NCBP1: variants seen among roughly 807,000 people sequenced by gnomAD.
NCBP1 encodes the protein nuclear cap-binding protein subunit 1.
Under a neutral mutation model 111.7 loss-of-function variants are expected in NCBP1, and 16 were observed. The ratio of observed to expected loss-of-function variants is 0.14; its 90% CI spans 0.10 to 0.22. NCBP1 has a LOEUF of 0.22. NCBP1 is among the 10% of genes least tolerant of loss of function. The pLI is 1.00. For missense variants in NCBP1, 607 were observed against 957.5 expected (o/e 0.63, Z 4.83); for synonymous variants, 304 against 314.3 (o/e 0.97, Z 0.35).
In NCBP1 at chr9:97,671,301, C is replaced by G; in HGVS notation, c.*102C>G. 1 of 832,978 alleles carries G rather than the reference C, an allele frequency of 1.2e-6. No individual in the cohort carries two copies. Among genetic ancestry groups the G allele is most frequent in the Non-Finnish European group, 1.9e-6 (1 of 531,430 alleles). The allele number at this position is 832,978 out of a possible 1,614,324, so 51.6% of individuals were successfully genotyped here. ...CTTGCTTTCTTGTAGTATCCTTTCA[C>G]TTCTTAAAGGAAACAAAGGGGAAGA... On this transcript the variant is annotated 3_prime_UTR_variant, in exon 23 of 23. Coordinates refer to ENST00000375147, the MANE Select transcript of NCBP1 (RefSeq NM_002486.5).
At chr9:97,641,154 C>T (rs1316551587) in intron 2 of NCBP1, among the ~76,000 whole-genome samples, 1 of 152,010 alleles carries the variant, frequency 6.6e-6, no homozygotes, top group Non-Finnish European at 1.5e-5. Flanking sequence ...ACTAAATCAG[C>T]CCTGAATACT....
chr9:97,644,250 C>T (rs186942636), intron 4 of NCBP1, among the ~76,000 whole-genome samples: 1 of 152,250 alleles, frequency 6.6e-6, no homozygotes, highest in Non-Finnish European at 1.5e-5. Flanking sequence ...GACTCTTTAG[C>T]CTGACCCTTT....
chr9:97,657,357 T>G (rs1827690697), intron 14 of NCBP1, among the ~76,000 whole-genome samples: 1 of 152,210 alleles, frequency 6.6e-6, no homozygotes, highest in African/African-American at 2.4e-5. Context: ...CTTTTTTCTA[T>G]CTTTGTGTTT....
intron 19 of NCBP1, 82 bp downstream of exon 19, chr9:97,664,525 G>A: frequency 1.1e-6 from 1 of 933,488 alleles, no homozygotes; most frequent in South Asian, 1.6e-5. Flanking sequence ...TTCAAATTCT[G>A]GTCCAAACCA....
At chr9:97,667,407 T>C (rs947392465) in intron 20 of NCBP1, among the ~76,000 whole-genome samples, 3 of 152,142 alleles carry the variant, frequency 2.0e-5, no homozygotes, top group Admixed American at 6.5e-5. Context: ...ATATTTACCA[T>C]AGTAGAAGGT....
intron 9 of NCBP1, 126 bp from the exon 10 acceptor site, chr9:97,651,184 G>A (rs1055916747): frequency 2.0e-5 from 12 of 596,760 alleles, no homozygotes; most frequent in Non-Finnish European, 3.2e-5. Context: ...TGAAGTAACT[G>A]AAATCTAGGA....
Position 97,643,247 on chromosome 9 carries a change from G to A in NCBP1, c.268G>A (p.Val90Ile). 2 of 1,611,858 alleles carry A rather than the reference G, an allele frequency of 1.2e-6. No homozygotes were observed. The highest frequency in any genetic ancestry group is 1.7e-6 in the Non-Finnish European group (2 of 1,179,310). The change falls in exon 4 of 23, where the codon GTT becomes ATT. Residue 90 changes from valine (V) to isoleucine (I), a missense_variant. Transcript: ENST00000375147. ...GAAGCTGACAATTTATACAACATTA[G>A]TTGGACTACTGAATGCCAGGAATTA... is the stretch of plus-strand genomic sequence containing the variant. Reference protein sequence around the residue: ...PEKLTIYTTLVGLLNARNYNF... With the variant: ...PEKLTIYTTLIGLLNARNYNF...
In NCBP1 at chr9:97,669,627, G is replaced by A. The variant is rs1275769807; in HGVS notation, c.2180G>A (p.Arg727Gln). 6.2e-6 allele frequency: 10 copies of A among 1,612,738 alleles called. No individual in the cohort carries two copies. Among genetic ancestry groups the A allele is most frequent in the Non-Finnish European group, 7.6e-6 (9 of 1,178,860 alleles). The part of the protein sequence containing the change: ...FIMILTEHLV[R>Q]CETDGTSVLT... ...ATGATCTTGACCGAGCACCTAGTAC[G>A]ATGCGAAACTGATGGGACCAGTGTA... The change falls in exon 22 of 23, where the codon CGA (arginine) becomes CAA (glutamine). Residue 727 changes from arginine to glutamine, a missense_variant. Coordinates refer to ENST00000375147, the MANE Select transcript of NCBP1 (RefSeq NM_002486.5).
intron 6 of NCBP1, among the ~76,000 whole-genome samples, chr9:97,646,435 T>A (rs1439616739): frequency 6.6e-6 from 1 of 152,204 alleles, no homozygotes; most frequent in Non-Finnish European, 1.5e-5. Context: ...TTTTACAGAT[T>A]GATTTTGTTG....
Position 97,641,666 on chromosome 9 carries a change from T to G in NCBP1, c.224+4T>G. On this transcript the variant is annotated splice_donor_region_variant and intron_variant, in intron 3 of 22. Transcript: ENST00000375147. ...TCTTAAGGCTTCTTTGTACAGTGTA[T>G]GTATGCAAAAGATTTATGAATCCAG... 1 of 1,597,414 alleles carries G rather than the reference T, an allele frequency of 6.3e-7. No homozygotes were observed. The highest frequency in any genetic ancestry group is 1.7e-4 in the Middle Eastern group (1 of 5,958).
chr9:97,648,249 A>G (rs1284394552), intron 8 of NCBP1, 26 bp downstream of exon 8: 2 of 1,601,412 alleles, frequency 1.2e-6, no homozygotes, highest in Non-Finnish European at 1.7e-6. Context: ...AAAGTCCTAG[A>G]TATTGACCTG....
intron 6 of NCBP1, among the ~76,000 whole-genome samples, chr9:97,646,730 G>A (rs1176716668): frequency 6.6e-6 from 1 of 151,448 alleles, no homozygotes; most frequent in African/African-American, 2.4e-5. Flanking sequence ...CCAGCTACTC[G>A]GGAGGCTGAG....
chr9:97,663,178 T>C, intron 18 of NCBP1, 131 bp downstream of exon 18: 1 of 672,404 alleles, frequency 1.5e-6, no homozygotes, highest in Non-Finnish European at 2.6e-6. Context: ...TTAGATCTAA[T>C]TCTTTCAGTG....
In NCBP1 at chr9:97,646,044, G is replaced by A. The variant is rs182008249; in HGVS notation, c.611+312G>A. On this transcript the variant is annotated intron_variant, in intron 6 of 22. Transcript: ENST00000375147. The stretch of plus-strand genomic sequence containing the variant: ...TTAGTGTGGATAAGAATTACCTGTG[G>A]TACTTAAAATACTCAGACCCCAACC... Among the ~76,000 whole-genome samples the A allele has an allele frequency of 1.9e-3, 287 of 152,242 alleles. 1 individual carries two copies. Among genetic ancestry groups the A allele is most frequent in the Admixed American group, 6.1e-3 (94 of 15,300 alleles).
chr9:97,639,531 A>T (rs548693036), intron 1 of NCBP1, among the ~76,000 whole-genome samples: 1 of 152,312 alleles, frequency 6.6e-6, no homozygotes, highest in African/African-American at 2.4e-5. Context: ...GATTGAAGTT[A>T]TATGTAACTT....
At chr9:97,636,154 C>G (rs1827019487) in intron 1 of NCBP1, 1 of 151,674 alleles carries the variant, frequency 6.6e-6, no homozygotes, top group Admixed American at 6.6e-5. Context: ...TACAGCAAAT[C>G]TGAAATTTTT....
intron 22 of NCBP1, chr9:97,670,198 G>A (rs1426365006): frequency 4.9e-6 from 1 of 203,670 alleles, no homozygotes; most frequent in Non-Finnish European, 1.0e-5. Flanking sequence ...GATTATAGGC[G>A]TGAGCCACGG....
intron 21 of NCBP1, 96 bp downstream of exon 21, chr9:97,669,070 ACATT>A (rs370855061): frequency 3.7e-6 from 5 of 1,340,474 alleles, no homozygotes; most frequent in Non-Finnish European, 5.1e-6. Context: ...AAAGGAATAC[ACATT>A]CATTTATAGA....
At chr9:97,664,273 G>A (rs1455180602) in intron 18 of NCBP1, 67 bp from the exon 19 acceptor site, 2 of 967,586 alleles carry the variant, frequency 2.1e-6, no homozygotes, top group Non-Finnish European at 1.6e-6. Context: ...TAGCAGCAGT[G>A]TGGTGGCACA....
Sources: gnomAD v4.1 joint callset for allele counts (sites outside exome capture counted in the v4.1 genomes callset) on GRCh38, gnomAD v4.1.1 for gene constraint, MANE v1.5 for transcripts, NCBI Gene and HGNC (gene_info 2026-07-23, HGNC 2026-07-21) for gene names.